Variants in KANK1 observed in about 807,000 individuals in gnomAD.
KANK1 encodes KN motif and ankyrin repeat domain-containing protein 1.
KANK1 carries 109 observed loss-of-function variants against 106.2 expected under a neutral mutation model. That is an observed-to-expected ratio of 1.03 (90% CI 0.88 to 1.20). The LOEUF is 1.20. Ranked by LOEUF, KANK1 falls within the 50% of genes most tolerant of loss-of-function variation. The pLI is 0.00. For missense variants in KANK1, 2,399 were observed against 1,710.7 expected (o/e 1.40, Z -7.10); for synonymous variants, 873 against 652.2 (o/e 1.34, Z -5.16).
chr9:531,163 G>T (rs757292775), intron 1 of KANK1, among the ~76,000 whole-genome samples: 21 of 152,088 alleles, frequency 1.4e-4, no homozygotes, highest in Non-Finnish European at 2.8e-4. Context: ...AATTGGCTGG[G>T]TGTAGTGGTT....
chr9:611,425 C>G (rs1455906337), intron 1 of KANK1, among the ~76,000 whole-genome samples: 3 of 152,152 alleles, frequency 2.0e-5, no homozygotes, highest in African/African-American at 4.8e-5. Flanking sequence ...AATGATTGAA[C>G]TTGGAATAAA....
At chr9:507,886 G>A (rs1318335036) in intron 1 of KANK1, among the ~76,000 whole-genome samples, 1 of 151,672 alleles carries the variant, frequency 6.6e-6, no homozygotes, top group African/African-American at 2.4e-5. Flanking sequence ...GGGTTTCACC[G>A]TGTTGGTCAG....
chr9:737,225 A>G (rs371413025), intron 7 of KANK1, among the ~76,000 whole-genome samples: 1 of 152,028 alleles, frequency 6.6e-6, no homozygotes, highest in East Asian at 1.9e-4. Context: ...ATATATACAG[A>G]AAAAAAAGGA....
intron 1 of KANK1, among the ~76,000 whole-genome samples, chr9:577,755 T>G (rs142362988): frequency 6.6e-6 from 1 of 152,320 alleles, no homozygotes; most frequent in East Asian, 1.9e-4. Context: ...AATTTATGTT[T>G]CAACAAGTCT....
chr9:674,668 T>C (rs1310758696), intron 1 of KANK1, among the ~76,000 whole-genome samples: 2 of 152,172 alleles, frequency 1.3e-5, no homozygotes, highest in Non-Finnish European at 2.9e-5. Flanking sequence ...TTCTTTTCCC[T>C]GAGGGTTTTA....
chr9:641,536 T>C (rs1838429640), intron 1 of KANK1, among the ~76,000 whole-genome samples: 1 of 152,186 alleles, frequency 6.6e-6, no homozygotes, highest in Non-Finnish European at 1.5e-5. Context: ...TAGGGAGTTC[T>C]AAGCGTTGGG....
In KANK1 at chr9:542,972, A is replaced by G. The variant is rs2060699283; in HGVS notation, c.-84+38218A>G. ...AATATGTTCTGGAGATCTATTGTAC[A>G]GTGTGGTGACTGTAGTTAATGTATA... On this transcript the variant is annotated intron_variant, in intron 1 of 11. Coordinates refer to ENST00000382297, the MANE Select transcript of KANK1 (RefSeq NM_015158.5). Among the ~76,000 whole-genome samples the G allele has an allele frequency of 2.0e-5, 3 of 152,196 alleles. No homozygotes were observed. The South Asian group carries it at 6.2e-4, about 31-fold the overall frequency.
chr9:649,016 GA>G lies in KANK1; in HGVS notation c.-83-27873del, dbSNP rs549473711. 2.0e-5 allele frequency among the ~76,000 whole-genome samples: 3 copies of G among 152,282 alleles called. No individual in the cohort carries two copies. The East Asian group carries it at 5.8e-4, about 29-fold the overall frequency. On this transcript the variant is annotated intron_variant, in intron 1 of 11. Transcript: ENST00000382297. ...ATTTATACTAAGTGGCGATGACACTGAGAACAGCACAGCTTCATCTGACATC... is the reference window on the plus strand; with the variant it reads ...ATTTATACTAAGTGGCGATGACACTGGAACAGCACAGCTTCATCTGACATC...
chr9:505,989 T>C (rs78721874), intron 1 of KANK1, among the ~76,000 whole-genome samples: 3,530 of 152,284 alleles, frequency 0.023, 145 homozygotes, highest in South Asian at 0.12. Context: ...TCTACTAAAA[T>C]GTTGAGCACG....
chr9:490,338 C>A (rs1164455954), intron 3 of KANK1, among the ~76,000 whole-genome samples: 1 of 151,870 alleles, frequency 6.6e-6, no homozygotes, highest in African/African-American at 2.4e-5. Flanking sequence ...ATACCTCATC[C>A]CTACTAAAAT....
rs61622402 is a variant in KANK1, at chr9:545,724, C to CTTTT, written c.-84+40994_-84+40997dup. 2.0e-4 allele frequency among the ~76,000 whole-genome samples: 21 copies of CTTTT among 102,676 alleles called. 1 individual carries two copies. Among genetic ancestry groups the CTTTT allele is most frequent in the South Asian group, 6.7e-4 (2 of 2,984 alleles). The allele number at this position is 102,676 out of a possible 152,430, so 67.4% of individuals were successfully genotyped here. On this transcript the variant is annotated intron_variant, in intron 1 of 11. Coordinates refer to ENST00000382297, the MANE Select transcript of KANK1 (RefSeq NM_015158.5). The stretch of plus-strand genomic sequence containing the variant: ...GCAGTACTGTTGGCCTGTACAGAGC[C>CTTTT]TTTTTTTTTTTTTTTTTTTTTTTTT...
At chr9:657,412 T>C (rs1842387442) in intron 1 of KANK1, among the ~76,000 whole-genome samples, 1 of 152,170 alleles carries the variant, frequency 6.6e-6, no homozygotes, top group Non-Finnish European at 1.5e-5. Flanking sequence ...TTGAATCTCA[T>C]GGTAGTTCTA....
At chr9:535,800 C>T (rs2060271422) in intron 1 of KANK1, among the ~76,000 whole-genome samples, 2 of 152,318 alleles carry the variant, frequency 1.3e-5, no homozygotes, top group South Asian at 2.1e-4. Flanking sequence ...CCATGCTCGT[C>T]ACAAGCAGTC....
At chr9:731,432 T>TG in intron 5 of KANK1, 166 bp downstream of exon 5, 1 of 516,252 alleles carries the variant, frequency 1.9e-6, no homozygotes, top group Non-Finnish European at 3.5e-6. Flanking sequence ...TTTCCTCCTC[T>TG]GGTGCTGTCT....
intron 3 of KANK1, among the ~76,000 whole-genome samples, chr9:716,545 TGA>T (rs1281422842): frequency 1.3e-5 from 2 of 152,152 alleles, no homozygotes; most frequent in East Asian, 3.9e-4. Context: ...AACACAAAAT[TGA>T]TAAATGTTCA....
intron 3 of KANK1, among the ~76,000 whole-genome samples, chr9:717,729 G>C (rs1234673046): frequency 6.6e-6 from 1 of 152,136 alleles, no homozygotes; most frequent in Non-Finnish European, 1.5e-5. Context: ...GTTTTCGTTT[G>C]AGGCATAGAT....
intron 2 of KANK1, among the ~76,000 whole-genome samples, chr9:688,475 G>A (rs1197484768): frequency 5.9e-5 from 9 of 152,032 alleles, no homozygotes; most frequent in African/African-American, 1.9e-4. Context: ...GCGTCGCAGC[G>A]GGCACCTGTA....
chr9:659,051 C>T (rs1301135744), intron 1 of KANK1, among the ~76,000 whole-genome samples: 2 of 152,146 alleles, frequency 1.3e-5, no homozygotes, highest in Non-Finnish European at 2.9e-5. Flanking sequence ...ACGTTTATAA[C>T]TTTTTTTGTT....
intron 2 of KANK1, among the ~76,000 whole-genome samples, chr9:700,205 G>A (rs1414355612): frequency 6.6e-6 from 1 of 152,188 alleles, no homozygotes; most frequent in Non-Finnish European, 1.5e-5. Flanking sequence ...GTAAATGCAA[G>A]AGCAAAAGAA....
Sources: allele counts gnomAD v4.1 joint callset (sites outside exome capture counted in the v4.1 genomes callset), GRCh38; gene constraint gnomAD v4.1.1; transcripts MANE v1.5; gene names NCBI Gene and HGNC (gene_info 2026-07-23, HGNC 2026-07-21).